The following GALNT13 variants were observed in gnomAD, a reference collection of about 807,000 sequenced individuals.
GALNT13 encodes UDP-GalNAc:polypeptide N-acetylgalactosaminyltransferase 13.
In GALNT13, 28 loss-of-function variants were observed where a neutral mutation model predicts 64.2. The ratio of observed to expected loss-of-function variants is 0.44; its 90% CI spans 0.32 to 0.60. The LOEUF is 0.60. Among genes scored for constraint, GALNT13 ranks in the 20% least tolerant of loss-of-function variants. The pLI is 0.05. For missense variants in GALNT13, 577 were observed against 669.8 expected (o/e 0.86, Z 1.53); for synonymous variants, 214 against 224.6 (o/e 0.95, Z 0.42).
the GALNT13 span, among the ~76,000 whole-genome samples, chr2:153,310,295 G>T: frequency 1.3e-5 from 2 of 151,706 alleles, no homozygotes; most frequent in African/African-American, 4.8e-5. Context: ...TGATTTTTTT[G>T]AATGTTGAAC....
intron 4 of GALNT13, among the ~76,000 whole-genome samples, chr2:154,180,748 GTTTTAT>G (rs1275015559): frequency 2.6e-5 from 4 of 151,782 alleles, no homozygotes; most frequent in South Asian, 2.1e-4. Flanking sequence ...TATGGTAGTT[GTTTTAT>G]TTTTATTTTT....
the GALNT13 span, among the ~76,000 whole-genome samples, chr2:153,473,281 A>T: frequency 1.3e-5 from 2 of 152,186 alleles, no homozygotes; most frequent in South Asian, 4.1e-4. Flanking sequence ...ATATAATAAT[A>T]ATCAAAAAAT....
chr2:153,087,176 G>GTT, the GALNT13 span, among the ~76,000 whole-genome samples: 2 of 152,040 alleles, frequency 1.3e-5, no homozygotes, highest in African/African-American at 4.8e-5. Context: ...TATTGCTGAG[G>GTT]TTTTAATCAT....
chr2:154,273,431 A>G (rs1020297120), intron 8 of GALNT13, among the ~76,000 whole-genome samples: 1 of 152,096 alleles, frequency 6.6e-6, no homozygotes, highest in Non-Finnish European at 1.5e-5. Flanking sequence ...AAGAATTGGG[A>G]GGGTTAGGAG....
chr2:153,673,509 C>T, the GALNT13 span, among the ~76,000 whole-genome samples: 1 of 152,126 alleles, frequency 6.6e-6, no homozygotes, highest in South Asian at 2.1e-4. Flanking sequence ...AATACAACAG[C>T]CTTTCATACT....
the GALNT13 span, among the ~76,000 whole-genome samples, chr2:153,256,295 C>T: frequency 3.3e-5 from 5 of 152,048 alleles, no homozygotes; most frequent in Admixed American, 6.5e-5. Flanking sequence ...ACGTAGTTCT[C>T]GAGCCTTGGT....
At chr2:153,331,991 G>T in the GALNT13 span, among the ~76,000 whole-genome samples, 6 of 152,040 alleles carry the variant, frequency 3.9e-5, no homozygotes, top group South Asian at 1.2e-3. Flanking sequence ...CTCTGAGAAG[G>T]TTTCGTATTT....
At chr2:153,213,986 C>A in the GALNT13 span, among the ~76,000 whole-genome samples, 1 of 152,056 alleles carries the variant, frequency 6.6e-6, no homozygotes. Context: ...CTTATGCAAC[C>A]CCGATGTTAG....
the GALNT13 span, among the ~76,000 whole-genome samples, chr2:153,662,585 T>C: frequency 6.6e-6 from 1 of 152,188 alleles, no homozygotes; most frequent in Admixed American, 6.5e-5. Flanking sequence ...ACACAGATTT[T>C]CTAAGCACCA....
At chr2:154,195,365 G>A (rs538174178) in intron 4 of GALNT13, among the ~76,000 whole-genome samples, 1 of 152,006 alleles carries the variant, frequency 6.6e-6, no homozygotes, top group Non-Finnish European at 1.5e-5. Flanking sequence ...AAAATGTACC[G>A]TGGGAGAAAT....
At chr2:153,294,729 T>G in the GALNT13 span, among the ~76,000 whole-genome samples, 1 of 152,128 alleles carries the variant, frequency 6.6e-6, no homozygotes, top group Admixed American at 6.5e-5. Context: ...ATGTAAGAAA[T>G]AGAAAAGCTA....
the GALNT13 span, among the ~76,000 whole-genome samples, chr2:153,633,451 G>T: frequency 6.6e-6 from 1 of 152,042 alleles, no homozygotes; most frequent in East Asian, 1.9e-4. Flanking sequence ...CAAATATTAG[G>T]TTTTTTCCTT....
intron 3 of GALNT13, among the ~76,000 whole-genome samples, chr2:154,138,065 A>ACTAAAATAAC (rs1318639004): frequency 6.6e-6 from 1 of 152,074 alleles, no homozygotes; most frequent in African/African-American, 2.4e-5. Flanking sequence ...AAACAAGCTT[A>ACTAAAATAAC]CTAAAATAAC....
At chr2:153,471,511 T>G in the GALNT13 span, among the ~76,000 whole-genome samples, 2 of 152,144 alleles carry the variant, frequency 1.3e-5, no homozygotes, top group African/African-American at 4.8e-5. Context: ...CAGTCTTTGA[T>G]CCTTTTATTA....
chr2:154,417,007 T>A (rs1342584782), intron 11 of GALNT13, among the ~76,000 whole-genome samples: 1 of 152,138 alleles, frequency 6.6e-6, no homozygotes, highest in Admixed American at 6.6e-5. Flanking sequence ...TTTTTCTCTC[T>A]CATCTTTCAT....
intron 11 of GALNT13, among the ~76,000 whole-genome samples, chr2:154,423,269 C>T (rs1574278933): frequency 6.6e-6 from 1 of 152,124 alleles, no homozygotes; most frequent in Non-Finnish European, 1.5e-5. Flanking sequence ...GCATGCTATT[C>T]CGTGGTGTAT....
At chr2:153,814,563 C>T in the GALNT13 span, among the ~76,000 whole-genome samples, 1 of 152,174 alleles carries the variant, frequency 6.6e-6, no homozygotes, top group Non-Finnish European at 1.5e-5. Context: ...ATAGACTCCA[C>T]TTTTTGAATA....
At chr2:153,830,865 A>G in the GALNT13 span, among the ~76,000 whole-genome samples, 3 of 152,132 alleles carry the variant, frequency 2.0e-5, no homozygotes, top group African/African-American at 7.2e-5. Flanking sequence ...GTGTTTACGT[A>G]TTCTTTCCTC....
intron 3 of GALNT13, among the ~76,000 whole-genome samples, chr2:154,032,424 A>G (rs1377465936): frequency 6.6e-6 from 1 of 152,034 alleles, no homozygotes; most frequent in East Asian, 1.9e-4. Context: ...GATTTATCTA[A>G]TACTGAAACC....
Sources: gnomAD v4.1 joint callset for allele counts (sites outside exome capture counted in the v4.1 genomes callset) on GRCh38, gnomAD v4.1.1 for gene constraint, MANE v1.5 for transcripts, NCBI Gene and HGNC (gene_info 2026-07-23, HGNC 2026-07-21) for gene names.